Variants in LRRTM3 observed in about 807,000 individuals in gnomAD.
LRRTM3 encodes leucine-rich repeat transmembrane neuronal protein 3.
Under a neutral mutation model 44.7 loss-of-function variants are expected in LRRTM3, and 24 were observed. That is an observed-to-expected ratio of 0.54 (90% confidence interval 0.39 to 0.76). The LOEUF is 0.76. Ranked by LOEUF, LRRTM3 falls within the 30% of genes least tolerant of loss-of-function variation. The probability of loss-of-function intolerance (pLI) is 0.00; values close to 1 mark genes in which losing one functional copy is unlikely to be tolerated. For synonymous variants in LRRTM3, 277 were observed against 278.7 expected (o/e 0.99, Z 0.06); for missense variants, 587 against 702.2 (o/e 0.84, Z 1.85).
intron 2 of LRRTM3, among the ~76,000 whole-genome samples, chr10:67,002,791 AAC>A (rs1851759946): frequency 6.6e-6 from 1 of 152,138 alleles, no homozygotes; most frequent in Non-Finnish European, 1.5e-5. Context: ...GGGTTAAATA[AAC>A]ACAATTAGGT....
intron 2 of LRRTM3, among the ~76,000 whole-genome samples, chr10:67,035,749 T>C (rs1388282197): frequency 6.6e-6 from 1 of 152,054 alleles, no homozygotes; most frequent in Non-Finnish European, 1.5e-5. Flanking sequence ...ATGCTTTCAC[T>C]GTATTGAGCT....
intron 2 of LRRTM3, among the ~76,000 whole-genome samples, chr10:66,999,632 C>A (rs1564822257): frequency 1.3e-5 from 2 of 152,060 alleles, no homozygotes; most frequent in East Asian, 3.8e-4. Context: ...CTTCCGGAAA[C>A]ATAAACTAGA....
intron 2 of LRRTM3, among the ~76,000 whole-genome samples, chr10:66,950,865 C>A (rs1405762061): frequency 6.6e-6 from 1 of 152,074 alleles, no homozygotes; most frequent in African/African-American, 2.4e-5. Flanking sequence ...TTGGTCTTAA[C>A]CCATTTTATA....
intron 2 of LRRTM3, among the ~76,000 whole-genome samples, chr10:66,986,260 G>A (rs1850722794): frequency 6.6e-6 from 1 of 152,088 alleles, no homozygotes; most frequent in South Asian, 2.1e-4. Flanking sequence ...GGCTTTGAGA[G>A]GCCGAGGCAG....
intron 2 of LRRTM3, among the ~76,000 whole-genome samples, chr10:66,971,647 G>A (rs185527773): frequency 5.3e-5 from 8 of 152,186 alleles, no homozygotes; most frequent in Admixed American, 1.3e-4. Flanking sequence ...CTCAATAAAT[G>A]ACAAATGTCA....
chr10:67,026,483 G>A (rs962549584), intron 2 of LRRTM3, among the ~76,000 whole-genome samples: 5 of 151,954 alleles, frequency 3.3e-5, no homozygotes. Context: ...AAATAAAGCA[G>A]TGTTATATAA....
rs1847194189 is a variant in LRRTM3 at position 66,928,409 on chromosome 10, C to T, written c.1493C>T (p.Thr498Met). The T allele has an allele frequency of 6.2e-7, 1 of 1,613,768 alleles. No homozygotes were observed. The highest frequency in any genetic ancestry group is 8.5e-7 in the Non-Finnish European group (1 of 1,179,856). The change falls in exon 2 of 3, where the codon ACG (threonine) becomes ATG (methionine). Residue 498 changes from threonine to methionine, a missense_variant. By Grantham distance (81) the Thr-to-Met change is moderately conservative. Coordinates refer to ENST00000361320, the MANE Select transcript of LRRTM3 (RefSeq NM_178011.5). ...ACCAGCGAGATGCTGCTGAATGGGA[C>T]GGGACCCTGCACCTATAACAAATCG... ...TETSEMLLNGTGPCTYNKSGS... is the reference protein window; with the variant it reads ...TETSEMLLNGMGPCTYNKSGS...
At chr10:66,948,978 A>AT (rs1564788191) in intron 2 of LRRTM3, among the ~76,000 whole-genome samples, 1 of 152,088 alleles carries the variant, frequency 6.6e-6, no homozygotes, top group Non-Finnish European at 1.5e-5. Context: ...TAATTGTGTT[A>AT]TTTTTTTCTT....
intron 2 of LRRTM3, among the ~76,000 whole-genome samples, chr10:67,096,175 A>G (rs2131928049): frequency 6.6e-6 from 1 of 151,994 alleles, no homozygotes; most frequent in Middle Eastern, 3.4e-3. Context: ...TTATAAGCAA[A>G]TAATCTTAAA....
At chr10:66,971,426 C>CA (rs35802902) in intron 2 of LRRTM3, among the ~76,000 whole-genome samples, 9 of 150,656 alleles carry the variant, frequency 6.0e-5, no homozygotes, top group South Asian at 2.1e-4. Flanking sequence ...GACTCCGTCT[C>CA]AAAAAAAAAA....
At chr10:67,045,261 A>G (rs1854654031) in intron 2 of LRRTM3, among the ~76,000 whole-genome samples, 1 of 152,244 alleles carries the variant, frequency 6.6e-6, no homozygotes, top group African/African-American at 2.4e-5. Flanking sequence ...TTGTGACAGT[A>G]GAGTATAAAC....
intron 2 of LRRTM3, among the ~76,000 whole-genome samples, chr10:67,026,852 C>A (rs1287233831): frequency 6.6e-6 from 1 of 152,140 alleles, no homozygotes; most frequent in African/African-American, 2.4e-5. Context: ...CTAAAATCTA[C>A]AAAGCTTATT....
intron 2 of LRRTM3, among the ~76,000 whole-genome samples, chr10:66,955,654 A>G (rs1848750784): frequency 6.6e-6 from 1 of 152,158 alleles, no homozygotes; most frequent in Non-Finnish European, 1.5e-5. Flanking sequence ...ACTTCTGGGA[A>G]TTAGAATTTA....
chr10:66,999,148 A>G (rs905399529), intron 2 of LRRTM3, among the ~76,000 whole-genome samples: 1 of 152,120 alleles, frequency 6.6e-6, no homozygotes, highest in Non-Finnish European at 1.5e-5. Flanking sequence ...TACTACTTTT[A>G]TTTATCATTT....
chr10:67,076,581 C>T (rs1204786552), intron 2 of LRRTM3, among the ~76,000 whole-genome samples: 3 of 152,116 alleles, frequency 2.0e-5, no homozygotes, highest in Non-Finnish European at 4.4e-5. Flanking sequence ...AATCTAAAAG[C>T]GTTTCTTTAA....
At chr10:67,036,291 CAG>C (rs1337813580) in intron 2 of LRRTM3, among the ~76,000 whole-genome samples, 1 of 151,016 alleles carries the variant, frequency 6.6e-6, no homozygotes, top group African/African-American at 2.4e-5. Flanking sequence ...TTTTTTGAGA[CAG>C]AGTTTTGCTC....
intron 2 of LRRTM3, among the ~76,000 whole-genome samples, chr10:66,970,158 C>CT (rs1366021381): frequency 6.6e-6 from 1 of 152,090 alleles, no homozygotes; most frequent in Admixed American, 6.5e-5. Context: ...AATACAGACA[C>CT]TTTGATTACA....
chr10:67,091,907 A>G (rs1834366694), intron 2 of LRRTM3, among the ~76,000 whole-genome samples: 1 of 152,098 alleles, frequency 6.6e-6, no homozygotes, highest in Non-Finnish European at 1.5e-5. Context: ...AAATTTAAAG[A>G]CAAATTAGAG....
intron 2 of LRRTM3, among the ~76,000 whole-genome samples, chr10:67,014,419 A>C (rs997797929): frequency 6.6e-6 from 1 of 152,170 alleles, no homozygotes; most frequent in Non-Finnish European, 1.5e-5. Flanking sequence ...TATATAACTT[A>C]AGAAATATCT....
Sources: allele counts gnomAD v4.1 joint callset (sites outside exome capture counted in the v4.1 genomes callset), GRCh38; gene constraint gnomAD v4.1.1; transcripts MANE v1.5; gene names NCBI Gene and HGNC (gene_info 2026-07-23, HGNC 2026-07-21).